HGSNAT: variants seen among roughly 807,000 people sequenced by gnomAD.
The protein encoded by HGSNAT is heparan-alpha-glucosaminide N-acetyltransferase.
Under a neutral mutation model 85.2 loss-of-function variants are expected in HGSNAT, and 59 were observed. The observed-to-expected ratio is 0.69, with a 90% CI of 0.56 to 0.86. HGSNAT has a LOEUF of 0.86. Among genes scored for constraint, HGSNAT ranks in the 40% least tolerant of loss-of-function variants. The probability of loss-of-function intolerance (pLI) is 0.00; values close to 1 mark genes in which losing one functional copy is unlikely to be tolerated. For missense variants in HGSNAT, 756 were observed against 777.1 expected (o/e 0.97, Z 0.32); for synonymous variants, 321 against 304.5 (o/e 1.05, Z -0.56).
chr8:43,191,727 T>G, intron 12 of HGSNAT, 132 bp downstream of exon 12: 3 of 1,145,336 alleles, frequency 2.6e-6, no homozygotes. Flanking sequence ...CTGCTTTGCA[T>G]GGGGAGAGGA....
intron 7 of HGSNAT, 97 bp downstream of exon 7, chr8:43,170,791 T>C (rs1803601475): frequency 1.4e-6 from 1 of 712,146 alleles, no homozygotes; most frequent in East Asian, 2.8e-5. Context: ...CTTTTACATA[T>C]CTTTTACTTT....
At chr8:43,155,781 A>C (rs754997573) in intron 2 of HGSNAT, among the ~76,000 whole-genome samples, 2 of 152,142 alleles carry the variant, frequency 1.3e-5, no homozygotes, top group Non-Finnish European at 2.9e-5. Flanking sequence ...TTCTACATGT[A>C]AATATCCAGT....
At chr8:43,160,818 C>G (rs532283289) in intron 4 of HGSNAT, among the ~76,000 whole-genome samples, 51 of 152,290 alleles carry the variant, frequency 3.3e-4, no homozygotes, top group African/African-American at 1.2e-3. Flanking sequence ...TTTGTCTCCT[C>G]CAGTCTAGGA....
chr8:43,148,714 T>C lies in HGSNAT; in HGVS notation c.234+1651T>C, dbSNP rs562734317. ...CTGAGGCTGGAGAATCGCTTGAACC[T>C]GGGTGGAGGCGGAGGTTGCAGTGAG... On this transcript the variant is annotated intron_variant, in intron 2 of 17. Transcript: ENST00000379644. Among the ~76,000 whole-genome samples, 378 of 139,950 alleles carry C rather than the reference T, an allele frequency of 2.7e-3. 2 individuals carry two copies. The highest frequency in any genetic ancestry group is 0.012 in the South Asian group (53 of 4,316). The allele number at this position is 139,950 out of a possible 152,430, so 91.8% of individuals were successfully genotyped here. A position where few individuals can be genotyped will look rare whatever the true frequency, so the allele number is the denominator to read the frequency against.
intron 10 of HGSNAT, chr8:43,180,686 G>T: frequency 9.5e-6 from 3 of 317,326 alleles, no homozygotes; most frequent in South Asian, 6.8e-5. Context: ...TCACTTCCCA[G>T]ACGGGGTGGC....
At chr8:43,191,819 G>T (rs1162978913) in intron 12 of HGSNAT, among the ~76,000 whole-genome samples, 1 of 152,166 alleles carries the variant, frequency 6.6e-6, no homozygotes, top group East Asian at 1.9e-4. Flanking sequence ...CACCTTCATA[G>T]TGTGGGAGCA....
chr8:43,153,503 T>C (rs1027116772), intron 2 of HGSNAT, among the ~76,000 whole-genome samples: 12 of 152,278 alleles, frequency 7.9e-5, no homozygotes, highest in Admixed American at 5.9e-4. Context: ...AATGTACACG[T>C]TGGGTAATGA....
intron 12 of HGSNAT, among the ~76,000 whole-genome samples, chr8:43,191,927 G>GC (rs1563382016): frequency 6.7e-6 from 1 of 149,868 alleles, no homozygotes. Flanking sequence ...TATAAACCAT[G>GC]TTTTTTTTTT....
At chr8:43,188,226 C>G (rs1236519980) in intron 11 of HGSNAT, among the ~76,000 whole-genome samples, 2 of 152,208 alleles carry the variant, frequency 1.3e-5, no homozygotes, top group Non-Finnish European at 2.9e-5. Flanking sequence ...TAGATAATAT[C>G]CTGAAGAGTT....
chr8:43,173,596 T>A (rs1803706044), intron 8 of HGSNAT, 117 bp from the exon 9 acceptor site: 3 of 1,104,868 alleles, frequency 2.7e-6, no homozygotes, highest in Admixed American at 4.0e-5. Flanking sequence ...CGGGCATGAG[T>A]CACTGCGCCT....
chr8:43,181,008 A>G (rs1315329051), intron 10 of HGSNAT, among the ~76,000 whole-genome samples: 1 of 109,902 alleles, frequency 9.1e-6, no homozygotes, highest in African/African-American at 3.5e-5. Flanking sequence ...CAGGAGAATC[A>G]GGCAGGGAGG....
intron 9 of HGSNAT, among the ~76,000 whole-genome samples, chr8:43,175,893 T>C (rs1012075596): frequency 2.0e-5 from 3 of 152,194 alleles, no homozygotes; most frequent in African/African-American, 7.2e-5. Flanking sequence ...ATTGGATTAT[T>C]AGATTTTTTT....
rs116544565 is a variant in HGSNAT, at chr8:43,181,702, C to T, written c.1013-443C>T. The T allele has an allele frequency of 4.2e-3, 669 of 160,536 alleles. 9 individuals are homozygous for T. Among genetic ancestry groups the T allele is most frequent in the African/African-American group, 0.015 (635 of 41,628 alleles). The allele number at this position is 160,536 out of a possible 1,614,324, so 9.9% of individuals were successfully genotyped here. ...TAGGGCAGGGAGGGTCAGTCAGTGG[C>T]GTTCTTGGGGTGATACAGCTGGGTA... On this transcript the variant is annotated intron_variant, in intron 10 of 17. Coordinates refer to ENST00000379644, the MANE Select transcript of HGSNAT (RefSeq NM_152419.3).
intron 2 of HGSNAT, among the ~76,000 whole-genome samples, chr8:43,157,156 T>G (rs866383138): frequency 6.6e-6 from 1 of 152,176 alleles, no homozygotes; most frequent in Non-Finnish European, 1.5e-5. Context: ...TTATAGTATA[T>G]GAGGACATAT....
chr8:43,174,009 A>G, intron 9 of HGSNAT: 1 of 266,502 alleles, frequency 3.8e-6, no homozygotes, highest in Non-Finnish European at 7.3e-6. Context: ...TGAGGTCAGG[A>G]GTTCAAGACC....
At chr8:43,155,635 T>C (rs924025125) in intron 2 of HGSNAT, among the ~76,000 whole-genome samples, 1 of 152,182 alleles carries the variant, frequency 6.6e-6, no homozygotes, top group African/African-American at 2.4e-5. Context: ...TTCTGTTACC[T>C]ATGCACCAGT....
intron 1 of HGSNAT, among the ~76,000 whole-genome samples, chr8:43,146,665 G>T (rs554989282): frequency 6.6e-6 from 1 of 152,282 alleles, no homozygotes; most frequent in East Asian, 1.9e-4. Context: ...TGATGCACTA[G>T]ATTTGAGTGG....
chr8:43,144,166 C>G (rs976971014), intron 1 of HGSNAT, among the ~76,000 whole-genome samples: 8 of 149,512 alleles, frequency 5.4e-5, no homozygotes, highest in African/African-American at 2.0e-4. Context: ...CAAAAAAAGA[C>G]AAAAAAAAAT....
intron 14 of HGSNAT, among the ~76,000 whole-genome samples, chr8:43,194,853 C>T (rs1586754730): frequency 6.6e-6 from 1 of 152,222 alleles, no homozygotes; most frequent in Non-Finnish European, 1.5e-5. Context: ...AACAAGAAGT[C>T]GCCATCTATC....
Sources: gnomAD v4.1 joint callset for allele counts (sites outside exome capture counted in the v4.1 genomes callset) on GRCh38, gnomAD v4.1.1 for gene constraint, MANE v1.5 for transcripts, NCBI Gene and HGNC (gene_info 2026-07-23, HGNC 2026-07-21) for gene names.